The following LHPP variants were observed in gnomAD, a reference collection of about 807,000 sequenced individuals.
LHPP encodes the protein hLHPP.
LHPP carries 24 observed loss-of-function variants against 30.3 expected under a neutral mutation model. That is an observed-to-expected ratio of 0.79 (90% CI 0.57 to 1.11). The LOEUF (loss-of-function observed/expected upper bound fraction) is 1.11, where lower values mean the gene tolerates loss of function less well. Among genes scored for constraint, LHPP ranks in the 50% most tolerant of loss-of-function variants. The pLI, the probability that LHPP is intolerant of heterozygous loss-of-function variation, is 0.00. For synonymous variants in LHPP, 150 were observed against 157.1 expected (o/e 0.95, Z 0.34); for missense variants, 356 against 367.2 (o/e 0.97, Z 0.25).
At chr10:124,605,816 G>A (rs1949084124) in intron 6 of LHPP, among the ~76,000 whole-genome samples, 1 of 66,592 alleles carries the variant, frequency 1.5e-5, no homozygotes, top group South Asian at 5.0e-4. Context: ...AAGAGGAGAG[G>A]GGGCCAGGCA....
intron 1 of LHPP, among the ~76,000 whole-genome samples, chr10:124,465,946 A>C (rs2133807371): frequency 6.6e-6 from 1 of 152,308 alleles, no homozygotes; most frequent in African/African-American, 2.4e-5. Flanking sequence ...GTTTGAGAAC[A>C]CTTTCTCTGT....
In LHPP at chr10:124,475,957, A is replaced by G. The variant is rs75777340; in HGVS notation, c.126-8182A>G. On this transcript the variant is annotated intron_variant, in intron 1 of 6. Coordinates refer to ENST00000368842, the MANE Select transcript of LHPP (RefSeq NM_022126.4). ...TGCCGATTCCCATGTACTTCATTCTAAATTGCGTTTATTGATTCCTGGGAC... is the reference window on the plus strand; with the variant it reads ...TGCCGATTCCCATGTACTTCATTCTGAATTGCGTTTATTGATTCCTGGGAC... 9.8e-3 allele frequency among the ~76,000 whole-genome samples: 1,495 copies of G among 152,172 alleles called. 16 individuals are homozygous for G. Among genetic ancestry groups the G allele is most frequent in the African/African-American group, 0.032 (1,344 of 41,498 alleles).
chr10:124,507,038 G>C (rs181654135), intron 5 of LHPP, among the ~76,000 whole-genome samples: 8 of 25,500 alleles, frequency 3.1e-4, no homozygotes, highest in Non-Finnish European at 4.8e-4. Context: ...TTCAGGTGAG[G>C]GGGGTAGGGA....
chr10:124,475,903 C>G (rs1015369159), intron 1 of LHPP, among the ~76,000 whole-genome samples: 1 of 152,144 alleles, frequency 6.6e-6, no homozygotes, highest in East Asian at 1.9e-4. Context: ...ATGAGACACT[C>G]GGGCTGTGTG....
rs1948874165 is a variant in LHPP, at chr10:124,590,805, G to C, written c.717-22459G>C. Among the ~76,000 whole-genome samples, 1 of 152,198 alleles carries C rather than the reference G, an allele frequency of 6.6e-6. No homozygotes were observed. Among genetic ancestry groups the C allele is most frequent in the African/African-American group, 2.4e-5 (1 of 41,450 alleles). ...TTCTCTGTCCACAAAACAAAGACTA[G>C]ATAATTAGAGTGCACACTTGGAGGG... is the stretch of plus-strand genomic sequence containing the variant. On this transcript the variant is annotated intron_variant, in intron 6 of 6. Coordinates refer to ENST00000368842, the MANE Select transcript of LHPP (RefSeq NM_022126.4). This position sits in a 1 kb window ranked among gnomAD's most constrained non-coding sequence, Gnocchi z 4.3.
intron 5 of LHPP, among the ~76,000 whole-genome samples, chr10:124,508,965 T>G (rs1243910549): frequency 6.6e-6 from 1 of 152,130 alleles, no homozygotes; most frequent in African/African-American, 2.4e-5. Flanking sequence ...TGCAGATTAT[T>G]TTGTCCTCCA....
At chr10:124,587,768 A>C (rs1948824985) in intron 6 of LHPP, among the ~76,000 whole-genome samples, 1 of 147,412 alleles carries the variant, frequency 6.8e-6, no homozygotes, top group Admixed American at 6.7e-5. Context: ...AAAAAAAACC[A>C]AAAAAACCCA....
At chr10:124,571,087 G>C (rs918017610) in intron 6 of LHPP, among the ~76,000 whole-genome samples, 1 of 152,252 alleles carries the variant, frequency 6.6e-6, no homozygotes, top group Non-Finnish European at 1.5e-5. Flanking sequence ...CTGCCGCCAT[G>C]TGAGACATGC....
At chr10:124,555,724 T>C (rs1014585876) in intron 6 of LHPP, among the ~76,000 whole-genome samples, 1 of 152,178 alleles carries the variant, frequency 6.6e-6, no homozygotes, top group Non-Finnish European at 1.5e-5. Flanking sequence ...ACTTTGTCTA[T>C]CTTGACTGTT....
rs1032440080 is a variant in LHPP at position 124,611,169 on chromosome 10, TG to T, written c.717-2093del. Among the ~76,000 whole-genome samples the T allele has an allele frequency of 2.4e-4, 37 of 151,670 alleles. 1 individual carries two copies. Among genetic ancestry groups the T allele is most frequent in the African/African-American group, 9.0e-4 (37 of 41,328 alleles). On this transcript the variant is annotated intron_variant, in intron 6 of 6. Coordinates refer to ENST00000368842, the MANE Select transcript of LHPP (RefSeq NM_022126.4). ...CCAGCCAAGCGATCCCCACTGGTAC[TG>T]GCATCTGTAGGTGCCCCTGCTTGGA...
At chr10:124,486,264 T>C (rs1953321022) in intron 2 of LHPP, among the ~76,000 whole-genome samples, 1 of 152,168 alleles carries the variant, frequency 6.6e-6, no homozygotes. Flanking sequence ...GCCCAGGTGG[T>C]CTTCACCCCT....
At chr10:124,563,743 A>G (rs146236141) in intron 6 of LHPP, among the ~76,000 whole-genome samples, 1 of 152,310 alleles carries the variant, frequency 6.6e-6, no homozygotes, top group African/African-American at 2.4e-5. Context: ...TGAACAAGAA[A>G]AAGAAAAGCC....
At chr10:124,521,682 A>T (rs886352706) in intron 6 of LHPP, among the ~76,000 whole-genome samples, 1 of 152,120 alleles carries the variant, frequency 6.6e-6, no homozygotes, top group Admixed American at 6.5e-5. Context: ...CCAGGGCAGC[A>T]TGGGGAGGCC....
At position 124,592,393 on chromosome 10, in the gene LHPP, A is replaced by G. The variant is rs1948891395; in HGVS notation, c.717-20871A>G. On this transcript the variant is annotated intron_variant, in intron 6 of 6. Transcript: ENST00000368842. The surrounding 1 kb of genome is among the most constrained non-coding windows in gnomAD (Gnocchi z 6.2). ...CAGCATACCCGAGCTCTTAAAGCAC[A>G]CTGGACCTAGGGCTCAGGTTTGAGC... Among the ~76,000 whole-genome samples the G allele has an allele frequency of 6.6e-6, 1 of 152,196 alleles. No individual in the cohort carries two copies. The highest frequency in any genetic ancestry group is 1.5e-5 in the Non-Finnish European group (1 of 68,032).
chr10:124,541,135 T>C lies in LHPP; in HGVS notation c.716+23864T>C, dbSNP rs1955176646. ...AGGAGAGCCTGCCATACCCACGCAG[T>C]GTGCCTGAGTCCTGGAGTGCGATGT... On this transcript the variant is annotated intron_variant, in intron 6 of 6. Transcript: ENST00000368842. This position sits in a 1 kb window ranked among gnomAD's most constrained non-coding sequence, Gnocchi z 4.2. Among the ~76,000 whole-genome samples, 1 of 152,140 alleles carries C rather than the reference T, an allele frequency of 6.6e-6. No individual in the cohort carries two copies. The highest frequency in any genetic ancestry group is 6.5e-5 in the Admixed American group (1 of 15,268).
rs1953784578 is a variant in LHPP, at chr10:124,498,144, G to C, written c.624+16G>C. ...AGCCCACCAGGTAGGTTGGCGCCTT[G>C]TGAAGTGGGTCAGGGGAGGCAGCCC... is the stretch of plus-strand genomic sequence containing the variant. On this transcript the variant is annotated intron_variant, in intron 5 of 6. Coordinates refer to ENST00000368842, the MANE Select transcript of LHPP (RefSeq NM_022126.4). 6.5e-7 allele frequency: 1 copy of C among 1,527,978 alleles called. No homozygotes were observed. Among genetic ancestry groups the C allele is most frequent in the East Asian group, 2.3e-5 (1 of 43,532 alleles). The allele number at this position is 1,527,978 out of a possible 1,614,324, so 94.7% of individuals were successfully genotyped here. A position where few individuals can be genotyped will look rare whatever the true frequency, so the allele number is the denominator to read the frequency against.
intron 6 of LHPP, among the ~76,000 whole-genome samples, chr10:124,536,875 C>G (rs1955041104): frequency 6.6e-6 from 1 of 152,132 alleles, no homozygotes. Context: ...CTCTGAGGTC[C>G]CTCTGCTGCT....
chr10:124,528,044 C>CAGGGGAG (rs374141221), intron 6 of LHPP, among the ~76,000 whole-genome samples: 6 of 118,262 alleles, frequency 5.1e-5, no homozygotes, highest in African/African-American at 7.3e-5. Flanking sequence ...GCTGGGATTA[C>CAGGGGAG]CCGGCTTGAG....
chr10:124,578,266 G>A (rs373255232), intron 6 of LHPP, among the ~76,000 whole-genome samples: 2 of 152,358 alleles, frequency 1.3e-5, no homozygotes, highest in African/African-American at 4.8e-5. Context: ...CCGTGCAGGG[G>A]CTGCTGGCTC....
Sources: allele counts gnomAD v4.1 joint callset (sites outside exome capture counted in the v4.1 genomes callset), GRCh38; gene constraint gnomAD v4.1.1; non-coding constraint Gnocchi (gnomAD v3.1); transcripts MANE v1.5; gene names NCBI Gene and HGNC (gene_info 2026-07-23, HGNC 2026-07-21).